Variants in USP9Y observed in about 807,000 individuals in gnomAD.
USP9Y encodes the protein ubiquitin carboxyl-terminal hydrolase 9Y.
Under a neutral mutation model 53.1 loss-of-function variants are expected in USP9Y, and 41 were observed. That is an observed-to-expected ratio of 0.77 (90% CI 0.60 to 1.00). USP9Y has a LOEUF of 1.00. USP9Y is among the 50% of genes least tolerant of loss of function. The pLI, the probability that USP9Y is intolerant of heterozygous loss-of-function variation, is 0.00. For missense variants in USP9Y, 567 were observed against 535.8 expected, an observed-to-expected ratio of 1.06 and a Z score of -0.58; for synonymous variants, 220 against 173.7, an observed-to-expected ratio of 1.27 and a Z score of -2.09.
At chrY:12,835,570 T>C (rs2053554802) in intron 34 of USP9Y, among the ~76,000 whole-genome samples, 1 of 33,354 alleles carries the variant, frequency 3.0e-5, no homozygotes, top group Non-Finnish European at 7.4e-5. Flanking sequence ...CCCAGCACTT[T>C]GGGACACCAG....
intron 5 of USP9Y, among the ~76,000 whole-genome samples, chrY:12,723,984 C>T (rs2053439007): frequency 3.0e-5 from 1 of 33,350 alleles, no homozygotes; most frequent in African/African-American, 1.2e-4. Flanking sequence ...TATTTCTCCT[C>T]ATTTAAATTT....
chrY:12,789,348 T>C, intron 24 of USP9Y, among the ~76,000 whole-genome samples: 1 of 33,164 alleles, frequency 3.0e-5, no homozygotes, highest in Non-Finnish European at 7.4e-5. Flanking sequence ...TTTTAAACTT[T>C]AGGCCAGGTG....
intron 12 of USP9Y, among the ~76,000 whole-genome samples, chrY:12,748,372 A>G (rs752379496): frequency 1.6e-3 from 52 of 33,390 alleles, no homozygotes; most frequent in Non-Finnish European, 2.5e-3. Context: ...TAGAGACTGG[A>G]TGCTTTCCCT....
At chrY:12,847,781 T>A (rs750151337) in intron 42 of USP9Y, among the ~76,000 whole-genome samples, 3 of 32,764 alleles carry the variant, frequency 9.2e-5, no homozygotes, top group Non-Finnish European at 2.2e-4. Context: ...TCCAGCTTCA[T>A]CCATGTGCCT....
At chrY:12,835,560 C>G in intron 34 of USP9Y, among the ~76,000 whole-genome samples, 1 of 33,437 alleles carries the variant, frequency 3.0e-5, no homozygotes, top group Non-Finnish European at 7.4e-5. Context: ...CACCTACAAT[C>G]CCAGCACTTT....
At position 12,859,386 on chromosome Y, in the gene USP9Y, A is replaced by G; in HGVS notation, c.7638A>G (p.Glu2546=). The G allele has an allele frequency of 7.5e-6, 3 of 398,442 alleles. No individual in the cohort carries two copies. Among genetic ancestry groups the G allele is most frequent in the Non-Finnish European group, 1.1e-5 (3 of 283,317 alleles). ...RTQENYEGNE[E]VSSPQMKDQ ...AAGAAAATTATGAAGGCAATGAAGA[A>G]GTATCCTCACCTCAGATGAAGGATC... is the stretch of plus-strand genomic sequence containing the variant. Residue 2546 remains glutamate, a synonymous_variant, in exon 46 of 46, where the codon GAA becomes GAG. Coordinates refer to ENST00000338981, the MANE Select transcript of USP9Y (RefSeq NM_004654.4).
chrY:12,791,573 A>C lies in USP9Y; in HGVS notation c.3762A>C (p.Ala1254=), dbSNP rs772565608. 2.5e-6 allele frequency: 1 copy of C among 394,200 alleles called. No individual in the cohort carries two copies. The highest frequency in any genetic ancestry group is 9.3e-5 in the East Asian group (1 of 10,806). ...QKIIWASACG[A]LGLVFSPNEE... ...TTATCTGGGCATCAGCATGTGGGGC[A>C]TTAGGACTAGTTTTTAGCCCAAATG... The change falls in exon 26 of 46, where the codon GCA becomes GCC. Residue 1254 remains alanine, a synonymous_variant. Transcript: ENST00000338981.
intron 3 of USP9Y, among the ~76,000 whole-genome samples, chrY:12,715,437 C>A (rs2148279580): frequency 3.3e-5 from 1 of 30,709 alleles, no homozygotes; most frequent in African/African-American, 1.3e-4. Flanking sequence ...TCTGCCTCAG[C>A]TTCCTGAGTA....
intron 12 of USP9Y, 118 bp from the exon 13 acceptor site, chrY:12,757,074 G>A (rs947067730): frequency 7.8e-5 from 17 of 218,662 alleles, no homozygotes; most frequent in Middle Eastern, 1.2e-3. Flanking sequence ...GTGTGTGTGC[G>A]CACACGCCCC....
At position 12,840,440 on chromosome Y, in the gene USP9Y, T is replaced by C; in HGVS notation, c.5914T>C (p.Ser1972Pro). 2.5e-6 allele frequency: 1 copy of C among 398,401 alleles called. No homozygotes were observed. The highest frequency in any genetic ancestry group is 3.5e-6 in the Non-Finnish European group (1 of 283,397). The change falls in exon 36 of 46, where the codon TCA (serine) becomes CCA (proline). Residue 1972 changes from serine to proline, a missense_variant. Transcript: ENST00000338981. ...AGATGATGAGATGATAAGATACATATCAGAGCTAACTATTGCAAGACCCCA... is the reference window on the plus strand; with the variant it reads ...AGATGATGAGATGATAAGATACATACCAGAGCTAACTATTGCAAGACCCCA... Reference protein sequence around the residue: ...DEDDEMIRYISELTIARPHQI... With the variant: ...DEDDEMIRYIPELTIARPHQI...
chrY:12,815,789 C>T, intron 31 of USP9Y, among the ~76,000 whole-genome samples: 1 of 34,146 alleles, frequency 2.9e-5, no homozygotes, highest in Non-Finnish European at 7.3e-5. Context: ...GTTGGTCAGG[C>T]TGGTCTTGAA....
chrY:12,819,136 GC>G, intron 33 of USP9Y, among the ~76,000 whole-genome samples: 1 of 33,655 alleles, frequency 3.0e-5, no homozygotes, highest in African/African-American at 1.2e-4. Flanking sequence ...CCAAGATTGT[GC>G]CATTGCACTC....
intron 12 of USP9Y, among the ~76,000 whole-genome samples, chrY:12,747,768 C>A: frequency 5.9e-5 from 2 of 33,816 alleles, no homozygotes; most frequent in African/African-American, 1.2e-4. Flanking sequence ...CCTTTAGCAG[C>A]GAAGCTTGAT....
At chrY:12,792,121 G>T (rs953782751) in intron 26 of USP9Y, among the ~76,000 whole-genome samples, 1 of 33,772 alleles carries the variant, frequency 3.0e-5, no homozygotes, top group Non-Finnish European at 7.4e-5. Context: ...GGTGGGGGGC[G>T]GGGGAAGGGG....
At chrY:12,794,769 A>G in intron 27 of USP9Y, among the ~76,000 whole-genome samples, 1 of 33,487 alleles carries the variant, frequency 3.0e-5, no homozygotes, top group Admixed American at 2.7e-4. Flanking sequence ...TGTTGAAGAT[A>G]CAAGGGGTTG....
At chrY:12,706,756 A>G in intron 1 of USP9Y, among the ~76,000 whole-genome samples, 1 of 33,775 alleles carries the variant, frequency 3.0e-5, no homozygotes, top group Non-Finnish European at 7.3e-5. Flanking sequence ...AATGAAAGAG[A>G]AGACTATATG....
chrY:12,710,034 G>A, intron 3 of USP9Y, among the ~76,000 whole-genome samples: 6 of 33,079 alleles, frequency 1.8e-4, no homozygotes, highest in African/African-American at 3.5e-4. Context: ...GTAGCCCTGT[G>A]TTTTTCTGTA....
At chrY:12,818,739 C>T in intron 33 of USP9Y, 129 bp downstream of exon 33, 1 of 164,906 alleles carries the variant, frequency 6.1e-6, no homozygotes, top group Non-Finnish European at 1.0e-5. Flanking sequence ...TCTAATTATC[C>T]TTCTTGGTCA....
chrY:12,853,486 C>T (rs2053573120), intron 42 of USP9Y, among the ~76,000 whole-genome samples: 1 of 33,954 alleles, frequency 2.9e-5, no homozygotes, highest in East Asian at 7.9e-4. Context: ...ACACCTTGAG[C>T]TTCCCAGGTG....
Sources: gnomAD v4.1 joint callset for allele counts (sites outside exome capture counted in the v4.1 genomes callset) on GRCh38, gnomAD v4.1.1 for gene constraint, MANE v1.5 for transcripts, NCBI Gene and HGNC (gene_info 2026-07-23, HGNC 2026-07-21) for gene names.